ADCK1: variants seen among roughly 807,000 people sequenced by gnomAD.
ADCK1 encodes aarF domain containing kinase 1, also known as aarF domain-containing protein kinase 1.
In ADCK1, 41 loss-of-function variants were observed where a neutral mutation model predicts 52.3. That is an observed-to-expected ratio of 0.78 (90% CI 0.61 to 1.02). ADCK1 has a LOEUF of 1.02. Among genes scored for constraint, ADCK1 ranks in the 50% least tolerant of loss-of-function variants. ADCK1 has a pLI of 0.00. For synonymous variants in ADCK1, 250 were observed against 274.6 expected, an observed-to-expected ratio of 0.91 and a Z score of 0.89; for missense variants, 658 against 679.5, an observed-to-expected ratio of 0.97 and a Z score of 0.35.
At position 77,848,926 on chromosome 14, in the gene ADCK1, C is replaced by T. The variant is rs1339215482; in HGVS notation, c.220-10150C>T. Among the ~76,000 whole-genome samples, 4 of 151,712 alleles carry T rather than the reference C, an allele frequency of 2.6e-5. 1 individual carries two copies. Among genetic ancestry groups the T allele is most frequent in the South Asian group, 4.2e-4 (2 of 4,804 alleles). ...CTGCAAGCTCCGCCTCCCAGGTTCA[C>T]GTCATTCTCCTGCCTCAGCCTCCTG... On this transcript the variant is annotated intron_variant, in intron 3 of 10. Transcript: ENST00000238561.
rs2082362024 is a variant in ADCK1 at position 77,853,761 on chromosome 14, G to A, written c.220-5315G>A. 2.0e-5 allele frequency among the ~76,000 whole-genome samples: 3 copies of A among 152,228 alleles called. No individual in the cohort carries two copies. In the South Asian group the frequency reaches 6.2e-4, roughly 32 times the overall value. ...ATTTTTGGATATGCACGTGCTGATTGGTACTCAGCTGTATATGCGGTGGGG... is the reference window on the plus strand; with the variant it reads ...ATTTTTGGATATGCACGTGCTGATTAGTACTCAGCTGTATATGCGGTGGGG... On this transcript the variant is annotated intron_variant, in intron 3 of 10. Transcript: ENST00000238561.
chr14:77,897,729 A>G lies in ADCK1; in HGVS notation c.583-1371A>G, dbSNP rs567534062. On this transcript the variant is annotated intron_variant, in intron 5 of 10. Coordinates refer to ENST00000238561, the MANE Select transcript of ADCK1 (RefSeq NM_020421.4). ...CATTTTAGACGTACAGAAAGTATAG[A>G]AAATAGTATTATAAATGTTCAAGCA... 2.0e-5 allele frequency among the ~76,000 whole-genome samples: 3 copies of G among 152,322 alleles called. No individual in the cohort carries two copies. In the South Asian group the frequency reaches 6.2e-4, roughly 32 times the overall value.
intron 7 of ADCK1, among the ~76,000 whole-genome samples, chr14:77,920,270 A>AT (rs2084019689): frequency 6.6e-6 from 1 of 152,044 alleles, no homozygotes; most frequent in Non-Finnish European, 1.5e-5. Flanking sequence ...TTTTCAGTTG[A>AT]TTTTTTATAA....
chr14:77,926,197 T>C (rs1278082559), intron 9 of ADCK1, among the ~76,000 whole-genome samples: 1 of 152,156 alleles, frequency 6.6e-6, no homozygotes, highest in East Asian at 1.9e-4. Context: ...GTCTTATCAG[T>C]CTGGAGGAAA....
chr14:77,863,634 C>A (rs10132717), intron 4 of ADCK1, among the ~76,000 whole-genome samples: 1 of 151,862 alleles, frequency 6.6e-6, no homozygotes, highest in African/African-American at 2.4e-5. Context: ...GTCAAGAGTT[C>A]GAGACCAGCC....
chr14:77,843,156 T>G (rs995865871), intron 3 of ADCK1, among the ~76,000 whole-genome samples: 7 of 152,152 alleles, frequency 4.6e-5, no homozygotes, highest in Admixed American at 4.6e-4. Context: ...AATCTCAAAA[T>G]GCTGGGATCA....
chr14:77,857,139 TG>T (rs1004713867), intron 3 of ADCK1, among the ~76,000 whole-genome samples: 5 of 152,034 alleles, frequency 3.3e-5, no homozygotes, highest in African/African-American at 1.2e-4. Context: ...TGTTCAGGGC[TG>T]CAGCAGTCTC....
intron 3 of ADCK1, among the ~76,000 whole-genome samples, chr14:77,850,543 A>G (rs977047204): frequency 6.6e-6 from 1 of 152,094 alleles, no homozygotes; most frequent in African/African-American, 2.4e-5. Flanking sequence ...TTGTTATGAA[A>G]TAATTTTCTT....
At chr14:77,844,460 A>T (rs1013971701) in intron 3 of ADCK1, among the ~76,000 whole-genome samples, 5 of 152,204 alleles carry the variant, frequency 3.3e-5, no homozygotes, top group African/African-American at 1.2e-4. Context: ...TGCTCAATGC[A>T]AAGGAACCGG....
At chr14:77,915,662 A>G (rs893130280) in intron 7 of ADCK1, among the ~76,000 whole-genome samples, 15 of 152,250 alleles carry the variant, frequency 9.9e-5, no homozygotes, top group Admixed American at 5.2e-4. Context: ...TCACAAGGAC[A>G]AAAGGACCAA....
intron 7 of ADCK1, among the ~76,000 whole-genome samples, chr14:77,912,004 C>T (rs552517265): frequency 2.6e-5 from 4 of 152,270 alleles, no homozygotes; most frequent in South Asian, 4.1e-4. Context: ...ACGTCCCTCC[C>T]GGAGCTAATG....
chr14:77,841,244 C>T (rs182673962), intron 3 of ADCK1, among the ~76,000 whole-genome samples: 12 of 152,196 alleles, frequency 7.9e-5, no homozygotes, highest in Admixed American at 2.6e-4. Flanking sequence ...GAGTGATAGA[C>T]TAGAGTGAAC....
chr14:77,843,435 A>C (rs1470810651), intron 3 of ADCK1, among the ~76,000 whole-genome samples: 2 of 152,138 alleles, frequency 1.3e-5, no homozygotes, highest in African/African-American at 4.8e-5. Context: ...TTAATTATGC[A>C]TCTTCTCAGT....
chr14:77,844,896 T>G (rs1259032847), intron 3 of ADCK1, among the ~76,000 whole-genome samples: 1 of 152,196 alleles, frequency 6.6e-6, no homozygotes, highest in Non-Finnish European at 1.5e-5. Flanking sequence ...GGTTGGAGAA[T>G]AGGCAAGTCG....
chr14:77,808,698 C>T (rs891201812), intron 1 of ADCK1, among the ~76,000 whole-genome samples: 1 of 152,164 alleles, frequency 6.6e-6, no homozygotes. Context: ...GCCTAAGCCT[C>T]CCGAGTAGCT....
intron 5 of ADCK1, among the ~76,000 whole-genome samples, chr14:77,888,252 G>A (rs1242539073): frequency 6.6e-6 from 1 of 152,120 alleles, no homozygotes; most frequent in Admixed American, 6.6e-5. Flanking sequence ...GGAGGACAGA[G>A]TGTACTTGGA....
intron 5 of ADCK1, among the ~76,000 whole-genome samples, chr14:77,898,881 G>A (rs1396792221): frequency 6.6e-6 from 1 of 152,232 alleles, no homozygotes; most frequent in Non-Finnish European, 1.5e-5. Flanking sequence ...CATGGTTACC[G>A]ATGCTGGCTG....
chr14:77,885,923 C>T (rs1451830407), intron 4 of ADCK1, among the ~76,000 whole-genome samples: 1 of 152,136 alleles, frequency 6.6e-6, no homozygotes, highest in Non-Finnish European at 1.5e-5. Flanking sequence ...TAGGTGTGAC[C>T]ACTCAAGTCA....
intron 9 of ADCK1, among the ~76,000 whole-genome samples, chr14:77,926,626 G>A (rs1480948273): frequency 6.6e-6 from 1 of 152,218 alleles, no homozygotes; most frequent in Non-Finnish European, 1.5e-5. Context: ...GACTACAGGT[G>A]CACATCACCA....
Sources: gnomAD v4.1 joint callset for allele counts (sites outside exome capture counted in the v4.1 genomes callset) on GRCh38, gnomAD v4.1.1 for gene constraint, MANE v1.5 for transcripts, NCBI Gene and HGNC (gene_info 2026-07-23, HGNC 2026-07-21) for gene names.